Variants in ATAD2 observed in about 807,000 individuals in gnomAD.
The protein encoded by ATAD2 is ATPase family AAA domain containing 2.
A neutral mutation model predicts 168.9 loss-of-function variants in ATAD2; 62 were observed. The ratio of observed to expected loss-of-function variants is 0.37; its 90% confidence interval spans 0.30 to 0.45. The LOEUF is 0.45. Ranked by LOEUF, ATAD2 falls within the 20% of genes least tolerant of loss-of-function variation. The probability of loss-of-function intolerance (pLI) is 1.00; values close to 1 mark genes in which losing one functional copy is unlikely to be tolerated. For missense variants in ATAD2, 1,419 were observed against 1,667.8 expected, an observed-to-expected ratio of 0.85 and a Z score of 2.60; for synonymous variants, 613 against 571.6, an observed-to-expected ratio of 1.07 and a Z score of -1.03.
chr8:123,389,268 G>A (rs1043902147), intron 1 of ATAD2, among the ~76,000 whole-genome samples: 5 of 148,550 alleles, frequency 3.4e-5, no homozygotes, highest in Admixed American at 6.8e-5. Context: ...GAGCCACCGT[G>A]CCCGGCCTGT....
Position 123,369,888 on chromosome 8 carries a change from TTCTTCTCCA to T in ATAD2, c.855_863del (p.Asp285_Glu287del). The T allele has an allele frequency of 1.2e-6, 2 of 1,610,992 alleles. No individual in the cohort carries two copies. Among genetic ancestry groups the T allele is most frequent in the Non-Finnish European group, 1.7e-6 (2 of 1,178,902 alleles). ...TAAGATAATATCGCTTCTGATTCTCTTCTTCTCCATCTTCTTCATCTTCATCATCTTCAT... is the reference window on the plus strand; with the variant it reads ...TAAGATAATATCGCTTCTGATTCTCTTCTTCTTCATCTTCATCATCTTCAT... On this transcript the variant is annotated inframe_deletion, in exon 7 of 28. Transcript: ENST00000287394.
chr8:123,359,506 C>G, intron 10 of ATAD2, 71 bp downstream of exon 10: 1 of 1,425,858 alleles, frequency 7.0e-7, no homozygotes, highest in Middle Eastern at 1.8e-4. Flanking sequence ...TCATTGGTTC[C>G]TTTTTTTAAC....
chr8:123,373,587 G>A (rs990630150), intron 2 of ATAD2, among the ~76,000 whole-genome samples: 1 of 151,766 alleles, frequency 6.6e-6, no homozygotes, highest in Non-Finnish European at 1.5e-5. Flanking sequence ...AGGAAATCGA[G>A]ACCATCCTGG....
intron 1 of ATAD2, among the ~76,000 whole-genome samples, chr8:123,408,968 C>T (rs974215980): frequency 5.9e-5 from 9 of 152,092 alleles, no homozygotes; most frequent in African/African-American, 2.2e-4. Context: ...GCTGGGACTA[C>T]AGGCGCGTGC....
intron 8 of ATAD2, 28 bp downstream of exon 8, chr8:123,369,030 T>C: frequency 1.5e-6 from 2 of 1,361,526 alleles, no homozygotes; most frequent in Non-Finnish European, 2.0e-6. Flanking sequence ...TATGTTGTCA[T>C]AAATCAATCA....
At chr8:123,392,497 A>AT (rs1258148220) in intron 1 of ATAD2, among the ~76,000 whole-genome samples, 2 of 151,950 alleles carry the variant, frequency 1.3e-5, no homozygotes, top group Non-Finnish European at 2.9e-5. Context: ...CAGTTTTCTC[A>AT]TAAAAAAAAA....
rs1481684407 is a variant in ATAD2 at position 123,386,478 on chromosome 8, AAGT to A, written c.172-5804_172-5802del. ...GAGAACAGTCACATTCAGAGACAGA[AAGT>A]AGAACAGTGGTTGCCAGGGACTAGG... On this transcript the variant is annotated intron_variant, in intron 1 of 27. Transcript: ENST00000287394. Among the ~76,000 whole-genome samples, 5 of 152,118 alleles carry A rather than the reference AAGT, an allele frequency of 3.3e-5. No homozygotes were observed. In the East Asian group the frequency reaches 9.6e-4, roughly 29 times the overall value.
rs1373629790 is a variant in ATAD2 at position 123,402,865 on chromosome 8, G to A, written c.-2281-1690C>T. ...AATAAAAATCAACACACTACACACA[G>A]CTTCAGGTGCCTCCTCTAAAGATCC... On this transcript the variant is annotated intron_variant, in intron 1 of 28. Coordinates refer to the ATAD2 transcript ENST00000521903. This position sits in a 1 kb window ranked among gnomAD's most constrained non-coding sequence, Gnocchi z 4.8. Among the ~76,000 whole-genome samples, 1 of 151,958 alleles carries A rather than the reference G, an allele frequency of 6.6e-6. No individual in the cohort carries two copies. Among genetic ancestry groups the A allele is most frequent in the East Asian group, 1.9e-4 (1 of 5,202 alleles).
At chr8:123,413,560 G>T (rs1056678223) in intron 1 of ATAD2, among the ~76,000 whole-genome samples, 11 of 152,098 alleles carry the variant, frequency 7.2e-5, no homozygotes, top group Admixed American at 7.2e-4. Flanking sequence ...GTCACTCAGG[G>T]TAGTAAGTAG....
rs769659197 is a variant in ATAD2 at position 123,346,709 on chromosome 8, C to T, written c.2254G>A (p.Asp752Asn). The T allele has an allele frequency of 6.3e-7, 1 of 1,594,572 alleles. No homozygotes were observed. The highest frequency in any genetic ancestry group is 1.8e-5 in the Admixed American group (1 of 55,952). Residue 752 changes from aspartate to asparagine, a missense_variant, in exon 17 of 28, where the codon GAT becomes AAT. Transcript: ENST00000287394. ...TCATAAACTGATGGAACATCATCAT[C>T]ACTGTAAGCCAAGTCACTTTCTAGC... ...PLLESDLAYS[D>N]DDVPSVYENG...
chr8:123,356,502 T>C (rs1426107405), intron 12 of ATAD2, 25 bp from the exon 13 acceptor site: 4 of 1,564,982 alleles, frequency 2.6e-6, no homozygotes, highest in South Asian at 1.1e-5. Flanking sequence ...GAGTGGTCAT[T>C]TGTTAGCATA....
At chr8:123,343,414 C>T (rs897395363) in intron 19 of ATAD2, among the ~76,000 whole-genome samples, 9 of 152,190 alleles carry the variant, frequency 5.9e-5, no homozygotes, top group Non-Finnish European at 1.0e-4. Context: ...CTCTCCCCCA[C>T]TCAACTAAAA....
chr8:123,387,198 T>C (rs972779444), intron 1 of ATAD2, among the ~76,000 whole-genome samples: 1 of 152,110 alleles, frequency 6.6e-6, no homozygotes. Context: ...TCTAGTAATA[T>C]CAATATTTTT....
At chr8:123,384,536 G>C (rs1295840333) in intron 1 of ATAD2, among the ~76,000 whole-genome samples, 1 of 152,200 alleles carries the variant, frequency 6.6e-6, no homozygotes, top group Non-Finnish European at 1.5e-5. Flanking sequence ...AATGTCTTCA[G>C]AATGGAGGGG....
At position 123,413,224 on chromosome 8, in the gene ATAD2, GCCCC is replaced by G. The variant is rs34824091; in HGVS notation, c.-2282+3020_-2282+3023del. 1.8e-3 allele frequency among the ~76,000 whole-genome samples: 230 copies of G among 129,884 alleles called. 4 individuals carry two copies. Among genetic ancestry groups the G allele is most frequent in the African/African-American group, 4.3e-3 (153 of 35,254 alleles). 85.2% of individuals were successfully genotyped at this position (129,884 alleles called of 152,430 possible). A position where few individuals can be genotyped will look rare whatever the true frequency, so the allele number is the denominator to read the frequency against. On this transcript the variant is annotated intron_variant, in intron 1 of 28. Coordinates refer to the ATAD2 transcript ENST00000521903. ...TTTCACTTCCCTGGCTCTAATGAGCGCCCCCCCCCCCCCAACTCCTCCCTGCTTC... is the reference window on the plus strand; with the variant it reads ...TTTCACTTCCCTGGCTCTAATGAGCGCCCCCCCCCAACTCCTCCCTGCTTC...
In ATAD2 at chr8:123,320,758, ATACAATAAAC is replaced by A; in HGVS notation, c.*366_*375del. ...AATGGTTAAGTAAGTTTCTTGTCAG[ATACAATAAAC>A]TATTTTTAGGAAGGATAAAATTAAA... is the stretch of plus-strand genomic sequence containing the variant. On this transcript the variant is annotated 3_prime_UTR_variant, in exon 28 of 28. Coordinates refer to ENST00000287394, the MANE Select transcript of ATAD2 (RefSeq NM_014109.4). 5.7e-6 allele frequency: 1 copy of A among 174,402 alleles called. No individual in the cohort carries two copies. The highest frequency in any genetic ancestry group is 1.2e-5 in the Non-Finnish European group (1 of 83,350). The allele number at this position is 174,402 out of a possible 1,614,324, so 10.8% of individuals were successfully genotyped here. A position where few individuals can be genotyped will look rare whatever the true frequency, so the allele number is the denominator to read the frequency against.
At chr8:123,410,280 ATTATTTAT>A (rs544452071) in intron 1 of ATAD2, among the ~76,000 whole-genome samples, 4 of 151,642 alleles carry the variant, frequency 2.6e-5, no homozygotes, top group Non-Finnish European at 5.9e-5. Context: ...GTAGGATCAT[ATTATTTAT>A]TTATTTATTT....
intron 3 of ATAD2, among the ~76,000 whole-genome samples, chr8:123,372,051 G>C (rs1829164834): frequency 6.6e-6 from 1 of 152,174 alleles, no homozygotes; most frequent in Admixed American, 6.5e-5. Flanking sequence ...GAAGAGGAAA[G>C]ATATGTAATA....
intron 1 of ATAD2, among the ~76,000 whole-genome samples, chr8:123,415,501 C>T (rs1156317416): frequency 6.6e-6 from 1 of 152,204 alleles, no homozygotes; most frequent in Non-Finnish European, 1.5e-5. Flanking sequence ...TAGCTATGCT[C>T]ATTGCAAATA....
Sources: gnomAD v4.1 joint callset for allele counts (sites outside exome capture counted in the v4.1 genomes callset) on GRCh38, gnomAD v4.1.1 for gene constraint, Gnocchi (gnomAD v3.1) non-coding constraint, MANE v1.5 for transcripts, NCBI Gene and HGNC (gene_info 2026-07-23, HGNC 2026-07-21) for gene names.